The following STXBP5L variants were observed in gnomAD, a reference collection of about 807,000 sequenced individuals.
The protein encoded by STXBP5L is syntaxin-binding protein 5-like.
Under a neutral mutation model 144.5 loss-of-function variants are expected in STXBP5L, and 65 were observed. That is an observed-to-expected ratio of 0.45 (90% CI 0.37 to 0.55). The LOEUF is 0.55. Ranked by LOEUF, STXBP5L falls within the 20% of genes least tolerant of loss-of-function variation. The probability of loss-of-function intolerance (pLI) is 0.00; values close to 1 mark genes in which losing one functional copy is unlikely to be tolerated. For missense variants in STXBP5L, 1,298 were observed against 1,405.5 expected (o/e 0.92, Z 1.22); for synonymous variants, 505 against 469.6 (o/e 1.08, Z -0.97).
chr3:121,032,239 G>C (rs555404529), intron 3 of STXBP5L, among the ~76,000 whole-genome samples: 1 of 134,640 alleles, frequency 7.4e-6, no homozygotes, highest in East Asian at 2.0e-4. Context: ...GGGAACTTTA[G>C]AAGTGATGGG....
chr3:121,212,949 C>T (rs1255124555), intron 10 of STXBP5L, among the ~76,000 whole-genome samples: 2 of 152,058 alleles, frequency 1.3e-5, no homozygotes, highest in South Asian at 4.1e-4. Context: ...AAATTGTATT[C>T]CTAGGTATTT....
intron 9 of STXBP5L, among the ~76,000 whole-genome samples, chr3:121,181,154 G>C (rs1390341483): frequency 1.3e-5 from 2 of 148,364 alleles, no homozygotes; most frequent in African/African-American, 5.0e-5. Context: ...GAGGAGAAAA[G>C]AGGGGAGGGG....
intron 3 of STXBP5L, among the ~76,000 whole-genome samples, chr3:120,971,778 A>G (rs1384503208): frequency 3.8e-5 from 4 of 104,724 alleles, no homozygotes; most frequent in Admixed American, 2.3e-4. Flanking sequence ...ATATATGTGT[A>G]TGTATATATA....
At chr3:121,401,295 C>T (rs561262115) in intron 22 of STXBP5L, among the ~76,000 whole-genome samples, 331 of 152,270 alleles carry the variant, frequency 2.2e-3, no homozygotes, top group Middle Eastern at 0.01. Context: ...GGAGCATCCC[C>T]TACCTACTAT....
chr3:121,077,810 TAG>T (rs761031812), intron 5 of STXBP5L, among the ~76,000 whole-genome samples: 4 of 151,438 alleles, frequency 2.6e-5, no homozygotes, highest in Non-Finnish European at 5.9e-5. Context: ...CCCATCAGAG[TAG>T]CTAGATAGAG....
chr3:121,253,797 ATTTTTTTTTTTTCT>A (rs1274547907), intron 15 of STXBP5L, among the ~76,000 whole-genome samples: 1 of 120,644 alleles, frequency 8.3e-6, no homozygotes, highest in African/African-American at 3.3e-5. Flanking sequence ...CGCCCCGCTA[ATTTTTTTTTTTTCT>A]TTTTTTTTTT....
intron 18 of STXBP5L, among the ~76,000 whole-genome samples, chr3:121,272,327 C>T (rs1461749607): frequency 6.6e-6 from 1 of 152,116 alleles, no homozygotes; most frequent in Non-Finnish European, 1.5e-5. Flanking sequence ...CATATGTATT[C>T]ATAGTTGTTA....
intron 8 of STXBP5L, among the ~76,000 whole-genome samples, chr3:121,153,807 TG>T (rs2046019028): frequency 6.6e-6 from 1 of 151,938 alleles, no homozygotes; most frequent in Non-Finnish European, 1.5e-5. Flanking sequence ...CATGCAGTTA[TG>T]TTCTTTATAA....
At chr3:121,193,343 G>T (rs930995722) in intron 9 of STXBP5L, among the ~76,000 whole-genome samples, 1 of 142,612 alleles carries the variant, frequency 7.0e-6, no homozygotes, top group East Asian at 2.9e-4. Flanking sequence ...AAAGGATGTG[G>T]AGAAATAGGA....
At chr3:121,198,164 C>T (rs1447009086) in intron 9 of STXBP5L, among the ~76,000 whole-genome samples, 4 of 152,140 alleles carry the variant, frequency 2.6e-5, no homozygotes, top group Non-Finnish European at 5.9e-5. Flanking sequence ...TCTGTTCTTT[C>T]CTGACTCTTT....
At chr3:120,963,406 G>T (rs1037286438) in intron 3 of STXBP5L, among the ~76,000 whole-genome samples, 7 of 152,164 alleles carry the variant, frequency 4.6e-5, no homozygotes, top group African/African-American at 9.6e-5. Flanking sequence ...GATATTGGCA[G>T]TATGTCATAA....
At chr3:121,333,607 A>T (rs889484927) in intron 20 of STXBP5L, among the ~76,000 whole-genome samples, 1 of 152,112 alleles carries the variant, frequency 6.6e-6, no homozygotes, top group Non-Finnish European at 1.5e-5. Context: ...GATTTTTGAA[A>T]AAAAAATAAG....
At chr3:121,204,475 G>C (rs185388424) in intron 9 of STXBP5L, among the ~76,000 whole-genome samples, 1 of 152,198 alleles carries the variant, frequency 6.6e-6, no homozygotes, top group African/African-American at 2.4e-5. Context: ...ATATTGATTT[G>C]TTGTTTGTTA....
chr3:121,249,741 A>G (rs1325130994), intron 14 of STXBP5L, among the ~76,000 whole-genome samples: 1 of 152,110 alleles, frequency 6.6e-6, no homozygotes, highest in African/African-American at 2.4e-5. Flanking sequence ...GAATGGTGAG[A>G]GTGAACATTT....
chr3:121,372,250 G>T (rs1435174727), intron 20 of STXBP5L, among the ~76,000 whole-genome samples: 4 of 152,244 alleles, frequency 2.6e-5, no homozygotes, highest in South Asian at 2.1e-4. Flanking sequence ...AAGACTGAGG[G>T]GTGCTTAGGT....
chr3:121,189,473 C>T (rs1190892871), intron 9 of STXBP5L, among the ~76,000 whole-genome samples: 1 of 152,198 alleles, frequency 6.6e-6, no homozygotes, highest in Non-Finnish European at 1.5e-5. Context: ...ATTTATTAAA[C>T]AGGGAATCCT....
intron 18 of STXBP5L, among the ~76,000 whole-genome samples, chr3:121,272,938 A>G (rs188931901): frequency 6.6e-6 from 1 of 151,956 alleles, no homozygotes. Context: ...ATTTATATAT[A>G]TTTTATATTG....
At chr3:121,147,147 A>G (rs1284459676) in intron 7 of STXBP5L, among the ~76,000 whole-genome samples, 1 of 152,114 alleles carries the variant, frequency 6.6e-6, no homozygotes, top group Non-Finnish European at 1.5e-5. Flanking sequence ...ATATAGTACT[A>G]GCAGACCACA....
chr3:121,255,877 C>T (rs1465782347), intron 16 of STXBP5L, among the ~76,000 whole-genome samples: 1 of 152,056 alleles, frequency 6.6e-6, no homozygotes, highest in Non-Finnish European at 1.5e-5. Context: ...TACCTTGCCC[C>T]TTTTACCAGA....
Sources: allele counts gnomAD v4.1 joint callset (sites outside exome capture counted in the v4.1 genomes callset), GRCh38; gene constraint gnomAD v4.1.1; transcripts MANE v1.5; gene names NCBI Gene and HGNC (gene_info 2026-07-23, HGNC 2026-07-21).